Variants in KLHL29 observed in about 807,000 individuals in gnomAD.
The protein encoded by KLHL29 is kelch-like protein 29.
In KLHL29, 21 loss-of-function variants were observed where a neutral mutation model predicts 80.4. That is an observed-to-expected ratio of 0.26 (90% CI 0.19 to 0.38). The LOEUF is 0.38. Among genes scored for constraint, KLHL29 ranks in the 10% least tolerant of loss-of-function variants. KLHL29 has a pLI of 1.00. For synonymous variants in KLHL29, 511 were observed against 526.8 expected, an observed-to-expected ratio of 0.97 and a Z score of 0.41; for missense variants, 867 against 1,223.9, an observed-to-expected ratio of 0.71 and a Z score of 4.35.
At chr2:23,502,609 A>C (rs940547872) in intron 2 of KLHL29, among the ~76,000 whole-genome samples, 2 of 152,210 alleles carry the variant, frequency 1.3e-5, no homozygotes, top group Admixed American at 6.5e-5. Flanking sequence ...CTATATGACC[A>C]ATTCATCCCC....
At position 23,488,950 on chromosome 2, in the gene KLHL29, G is replaced by A. The variant is rs575336440; in HGVS notation, c.-46+13283G>A. Among the ~76,000 whole-genome samples the A allele has an allele frequency of 2.6e-5, 4 of 152,342 alleles. No individual in the cohort carries two copies. The South Asian group carries it at 8.3e-4, about 32-fold the overall frequency. On this transcript the variant is annotated intron_variant, in intron 2 of 13. Transcript: ENST00000486442. ...TTATTCTCGGACTTGGCCGGTCCCA[G>A]GGAGGTTGGGATGCTCTCGCTTCTG...
At chr2:23,441,891 G>T (rs1316134077) in intron 1 of KLHL29, among the ~76,000 whole-genome samples, 1 of 152,128 alleles carries the variant, frequency 6.6e-6, no homozygotes, top group Non-Finnish European at 1.5e-5. Context: ...ATCATGTTTG[G>T]TCATATCTCA....
chr2:23,481,682 G>A (rs1052838864), intron 2 of KLHL29, among the ~76,000 whole-genome samples: 2 of 152,204 alleles, frequency 1.3e-5, no homozygotes, highest in African/African-American at 4.8e-5. Flanking sequence ...TTGAGAGGCC[G>A]AGGCAGGCAG....
intron 1 of KLHL29, among the ~76,000 whole-genome samples, chr2:23,390,391 G>C (rs1044017015): frequency 6.6e-6 from 1 of 152,110 alleles, no homozygotes; most frequent in Non-Finnish European, 1.5e-5. Context: ...GGGATCTAGC[G>C]TGCGCAAAGA....
intron 2 of KLHL29, among the ~76,000 whole-genome samples, chr2:23,531,071 C>T (rs1012561677): frequency 2.1e-4 from 32 of 152,108 alleles, no homozygotes; most frequent in African/African-American, 7.3e-4. Context: ...TTCAGGTTGA[C>T]ACCTGGATGC....
At chr2:23,417,862 C>T (rs1362383111) in intron 1 of KLHL29, among the ~76,000 whole-genome samples, 1 of 152,178 alleles carries the variant, frequency 6.6e-6, no homozygotes, top group Non-Finnish European at 1.5e-5. Flanking sequence ...GACCCCCACC[C>T]TCTACTGAGG....
intron 1 of KLHL29, among the ~76,000 whole-genome samples, chr2:23,412,461 G>A (rs1185929695): frequency 6.6e-6 from 1 of 152,142 alleles, no homozygotes; most frequent in East Asian, 1.9e-4. Context: ...TATGCAGGTG[G>A]GCTGCAGGGC....
At chr2:23,690,149 G>A (rs1671491419) in intron 6 of KLHL29, 1 of 152,240 alleles carries the variant, frequency 6.6e-6, no homozygotes, top group Admixed American at 6.5e-5. Context: ...TGAGGCCCTG[G>A]GAGGGCGGTG....
chr2:23,653,633 A>G (rs912547066), intron 5 of KLHL29, among the ~76,000 whole-genome samples: 1 of 152,190 alleles, frequency 6.6e-6, no homozygotes. Context: ...ACAGAGGATG[A>G]TTTGATGAGG....
intron 8 of KLHL29, among the ~76,000 whole-genome samples, chr2:23,694,455 C>T (rs1242229993): frequency 6.6e-6 from 1 of 152,200 alleles, no homozygotes; most frequent in African/African-American, 2.4e-5. Context: ...CCATTTTCCA[C>T]CCTCCAGCCT....
At chr2:23,536,636 G>A (rs771286771) in intron 2 of KLHL29, among the ~76,000 whole-genome samples, 16 of 152,152 alleles carry the variant, frequency 1.1e-4, no homozygotes, top group Non-Finnish European at 1.5e-4. Flanking sequence ...CAACCTTTTC[G>A]TTTATAAAAT....
intron 1 of KLHL29, among the ~76,000 whole-genome samples, chr2:23,412,921 A>C (rs1038994976): frequency 6.6e-6 from 1 of 152,094 alleles, no homozygotes; most frequent in Non-Finnish European, 1.5e-5. Flanking sequence ...GTCACCTTTC[A>C]TGTTGTAAAC....
intron 5 of KLHL29, among the ~76,000 whole-genome samples, chr2:23,657,899 G>A (rs1199180462): frequency 6.6e-6 from 1 of 152,208 alleles, no homozygotes; most frequent in East Asian, 1.9e-4. Flanking sequence ...CTTTGGCCTG[G>A]CCTCTCAGCT....
chr2:23,666,960 T>C (rs970167014), intron 5 of KLHL29, among the ~76,000 whole-genome samples: 1 of 152,204 alleles, frequency 6.6e-6, no homozygotes, highest in East Asian at 1.9e-4. Context: ...GCCAGTGGCC[T>C]TGAGAGAGCC....
chr2:23,485,397 C>T (rs1212801590), intron 2 of KLHL29, among the ~76,000 whole-genome samples: 1 of 152,182 alleles, frequency 6.6e-6, no homozygotes, highest in Non-Finnish European at 1.5e-5. Context: ...AGGAGCCAGC[C>T]ACACCCATCA....
intron 3 of KLHL29, among the ~76,000 whole-genome samples, chr2:23,582,194 A>C (rs906169352): frequency 1.3e-5 from 2 of 152,206 alleles, no homozygotes; most frequent in African/African-American, 2.4e-5. Flanking sequence ...GAATGGAAAA[A>C]TAGGGCTGCT....
chr2:23,647,452 C>T lies in KLHL29; in HGVS notation c.940+4602C>T, dbSNP rs1364544308. Among the ~76,000 whole-genome samples, 1 of 152,196 alleles carries T rather than the reference C, an allele frequency of 6.6e-6. No individual in the cohort carries two copies. The highest frequency in any genetic ancestry group is 1.5e-5 in the Non-Finnish European group (1 of 68,034). ...ATTCAGGGTTCAGACTCAAGGCCTG[C>T]GTTGTCTGTGGCCAGCCCTTTGTCC... On this transcript the variant is annotated intron_variant, in intron 5 of 13. Coordinates refer to ENST00000486442, the MANE Select transcript of KLHL29 (RefSeq NM_052920.2). This position sits in a 1 kb window ranked among gnomAD's most constrained non-coding sequence, Gnocchi z 4.9.
intron 1 of KLHL29, among the ~76,000 whole-genome samples, chr2:23,398,732 C>G (rs1572481307): frequency 1.3e-5 from 2 of 152,334 alleles, no homozygotes; most frequent in Admixed American, 1.3e-4. Context: ...TCTGAACTTT[C>G]ATGCTTTCAT....
chr2:23,544,365 G>A (rs1016077463), intron 2 of KLHL29, among the ~76,000 whole-genome samples: 11 of 152,214 alleles, frequency 7.2e-5, no homozygotes, highest in African/African-American at 7.2e-5. Context: ...CTGCCTGGGC[G>A]TGAATCCTCC....
Sources: allele counts gnomAD v4.1 joint callset (sites outside exome capture counted in the v4.1 genomes callset), GRCh38; gene constraint gnomAD v4.1.1; non-coding constraint Gnocchi (gnomAD v3.1); transcripts MANE v1.5; gene names NCBI Gene and HGNC (gene_info 2026-07-23, HGNC 2026-07-21).